Variants in TLN2 observed in about 807,000 individuals in gnomAD.
TLN2 encodes the protein talin 2.
In TLN2, 118 loss-of-function variants were observed where a neutral mutation model predicts 294.7. The observed-to-expected ratio is 0.40, with a 90% CI of 0.34 to 0.47. The LOEUF (loss-of-function observed/expected upper bound fraction) is 0.47. Ranked by LOEUF, TLN2 falls within the 20% of genes least tolerant of loss-of-function variation. TLN2 has a pLI of 0.84. For synonymous variants in TLN2, 1,431 were observed against 1,304.5 expected (o/e 1.10, Z -2.09); for missense variants, 3,083 against 3,282.2 (o/e 0.94, Z 1.48).
At chr15:62,524,554 A>G (rs1473105367) in intron 1 of TLN2, among the ~76,000 whole-genome samples, 1 of 152,124 alleles carries the variant, frequency 6.6e-6, no homozygotes, top group Non-Finnish European at 1.5e-5. Context: ...TCAGATCCCT[A>G]CCTTGAAGTA....
At chr15:62,519,351 C>G (rs968293998) in intron 1 of TLN2, among the ~76,000 whole-genome samples, 2 of 152,214 alleles carry the variant, frequency 1.3e-5, no homozygotes, top group African/African-American at 2.4e-5. Flanking sequence ...CAAGTCAACT[C>G]TTGGCCTGGA....
rs28444660 is a variant in TLN2, at chr15:62,604,673, T to C, written c.-161-13678T>C. Among the ~76,000 whole-genome samples, 380 of 148,498 alleles carry C rather than the reference T, an allele frequency of 2.6e-3. 4 individuals carry two copies. Among genetic ancestry groups the C allele is most frequent in the African/African-American group, 9.1e-3 (369 of 40,362 alleles). On this transcript the variant is annotated intron_variant, in intron 2 of 58. Transcript: ENST00000636159. ...GGAAGGAGGCCGTGGGAGTGGAAAG[T>C]GGATTTCTTCTCTTCGTCTTCTTTT... is the stretch of plus-strand genomic sequence containing the variant.
intron 1 of TLN2, among the ~76,000 whole-genome samples, chr15:62,518,820 ACTCT>A (rs2040315196): frequency 6.6e-6 from 1 of 151,806 alleles, no homozygotes; most frequent in Non-Finnish European, 1.5e-5. Flanking sequence ...CTGGTCTCGA[ACTCT>A]TGACCTTAAG....
chr15:62,606,248 A>ATTTTTTTTTTTTTTTT (rs771750764), intron 2 of TLN2, among the ~76,000 whole-genome samples: 5 of 136,760 alleles, frequency 3.7e-5, no homozygotes, highest in African/African-American at 1.1e-4. Flanking sequence ...TGCTTGGCTA[A>ATTTTTTTTTTTTTTTT]TTTTTTTTTT....
intron 1 of TLN2, among the ~76,000 whole-genome samples, chr15:62,503,144 A>G (rs908105484): frequency 6.6e-6 from 1 of 152,240 alleles, no homozygotes; most frequent in African/African-American, 2.4e-5. Context: ...TAGCCATTAA[A>G]ATATATGTAC....
intron 48 of TLN2, among the ~76,000 whole-genome samples, chr15:62,800,027 C>T (rs1443410674): frequency 2.6e-5 from 4 of 152,178 alleles, no homozygotes; most frequent in Non-Finnish European, 5.9e-5. Context: ...TTCAGGGTGC[C>T]AGTTAGGAGT....
intron 41 of TLN2, among the ~76,000 whole-genome samples, chr15:62,768,105 A>G (rs931931328): frequency 1.3e-5 from 2 of 152,196 alleles, no homozygotes; most frequent in Admixed American, 1.3e-4. Flanking sequence ...CCAAGGCTTC[A>G]TTGCAGTGCT....
rs372908470 is a variant in TLN2 at position 62,765,178 on chromosome 15, A to G, written c.5095-1143A>G. ...AACAAACCATCTGTAATAAGACAGC[A>G]CTGTTGGAATATTCTTGTGTTCTTG... On this transcript the variant is annotated intron_variant, in intron 40 of 58. Coordinates refer to ENST00000636159, the MANE Select transcript of TLN2 (RefSeq NM_015059.3). Among the ~76,000 whole-genome samples the G allele has an allele frequency of 6.4e-4, 98 of 152,156 alleles. 2 individuals carry two copies. In the South Asian group the frequency reaches 0.012, roughly 19 times the overall value.
chr15:62,781,858 A>T (rs1027831243), intron 44 of TLN2, among the ~76,000 whole-genome samples: 1 of 152,200 alleles, frequency 6.6e-6, no homozygotes, highest in African/African-American at 2.4e-5. Flanking sequence ...CTAAAATGTA[A>T]TGCAACTAGA....
chr15:62,641,478 T>C (rs2140915499), intron 3 of TLN2, among the ~76,000 whole-genome samples: 1 of 152,002 alleles, frequency 6.6e-6, no homozygotes, highest in Non-Finnish European at 1.5e-5. Flanking sequence ...TAGCCAGGCA[T>C]GGTGGCACCT....
intron 1 of TLN2, among the ~76,000 whole-genome samples, chr15:62,588,138 C>T (rs1377178293): frequency 6.6e-6 from 1 of 152,104 alleles, no homozygotes; most frequent in African/African-American, 2.4e-5. Flanking sequence ...CCTTCGCCTC[C>T]CAAAGTGCTG....
chr15:62,753,773 G>T lies in TLN2; in HGVS notation c.4333G>T (p.Ala1445Ser). 4.4e-6 allele frequency: 7 copies of T among 1,604,282 alleles called. No homozygotes were observed. The South Asian group carries it at 7.8e-5, about 18-fold the overall frequency. The change falls in exon 36 of 59, where the codon GCT becomes TCT. Residue 1445 changes from alanine to serine, a missense_variant and splice_region_variant. By Grantham distance (99) the Ala-to-Ser change is moderately conservative (BLOSUM62 1). Coordinates refer to ENST00000636159, the MANE Select transcript of TLN2 (RefSeq NM_015059.3). ...TGTGGTTTTTCTCTTCCCTTTCTAG[G>T]CTGCATACTTGGTTGGCATCTCTGA... ...LCGLTEAAAQ[A>S]AYLVGISDPN...
chr15:62,544,726 C>CTTTTTT (rs11424816), intron 1 of TLN2, among the ~76,000 whole-genome samples: 1 of 144,870 alleles, frequency 6.9e-6, no homozygotes, highest in Non-Finnish European at 1.5e-5. Flanking sequence ...AGTAGAAAAG[C>CTTTTTT]TTTTTTTTTT....
chr15:62,683,246 A>T (rs1185796380), intron 11 of TLN2, among the ~76,000 whole-genome samples: 1 of 152,178 alleles, frequency 6.6e-6, no homozygotes, highest in African/African-American at 2.4e-5. Flanking sequence ...TCTGGATCTC[A>T]GATGTGAGGC....
intron 55 of TLN2, chr15:62,835,073 ATACTCT>A (rs2069348401): frequency 6.6e-6 from 1 of 152,218 alleles, no homozygotes; most frequent in Admixed American, 6.5e-5. Context: ...TCAAATTGAG[ATACTCT>A]TACCTCACCA....
At chr15:62,526,034 G>A (rs776608719) in intron 1 of TLN2, among the ~76,000 whole-genome samples, 2 of 152,160 alleles carry the variant, frequency 1.3e-5, no homozygotes, top group Admixed American at 6.5e-5. Flanking sequence ...AGGCAATGAT[G>A]TGGTTGGTCA....
At chr15:62,695,042 G>A (rs758280530) in intron 14 of TLN2, among the ~76,000 whole-genome samples, 2 of 152,176 alleles carry the variant, frequency 1.3e-5, no homozygotes, top group Non-Finnish European at 2.9e-5. Flanking sequence ...CTGGCACATA[G>A]CACTTGCTAT....
chr15:62,574,405 G>A (rs1172629883), intron 1 of TLN2, among the ~76,000 whole-genome samples: 5 of 151,194 alleles, frequency 3.3e-5, no homozygotes, highest in East Asian at 3.9e-4. Flanking sequence ...GCTAGACCCC[G>A]CCTCTTCAAA....
chr15:62,741,474 CA>C (rs1482579803), intron 32 of TLN2, among the ~76,000 whole-genome samples: 1 of 152,092 alleles, frequency 6.6e-6, no homozygotes, highest in African/African-American at 2.4e-5. Context: ...AGTGACAGCC[CA>C]GGGGGTTCTC....
Sources: allele counts gnomAD v4.1 joint callset (sites outside exome capture counted in the v4.1 genomes callset), GRCh38; gene constraint gnomAD v4.1.1; transcripts MANE v1.5; gene names NCBI Gene and HGNC (gene_info 2026-07-23, HGNC 2026-07-21).